The following MB21D2 variants were observed in gnomAD, a reference collection of about 807,000 sequenced individuals.
MB21D2 encodes nucleotidyltransferase MB21D2.
A neutral mutation model predicts 33.3 loss-of-function variants in MB21D2; 9 were observed. That is an observed-to-expected ratio of 0.27 (90% CI 0.16 to 0.47). The LOEUF is 0.47. Ranked by LOEUF, MB21D2 falls within the 20% of genes least tolerant of loss-of-function variation. MB21D2 has a pLI of 0.99. For synonymous variants in MB21D2, 241 were observed against 236.3 expected (o/e 1.02, Z -0.18); for missense variants, 540 against 624.6 (o/e 0.86, Z 1.44).
chr3:192,852,779 C>A (rs1393265298), intron 1 of MB21D2, among the ~76,000 whole-genome samples: 2 of 151,826 alleles, frequency 1.3e-5, no homozygotes. Flanking sequence ...CTAGAACTTT[C>A]AGAATGAGCT....
At chr3:192,915,135 T>A (rs1714433673) in intron 1 of MB21D2, among the ~76,000 whole-genome samples, 1 of 152,002 alleles carries the variant, frequency 6.6e-6, no homozygotes, top group South Asian at 2.1e-4. Flanking sequence ...AATCCCCAGG[T>A]GCAGCTCAGA....
At chr3:192,872,350 G>A (rs1172404622) in intron 1 of MB21D2, among the ~76,000 whole-genome samples, 2 of 152,148 alleles carry the variant, frequency 1.3e-5, no homozygotes, top group East Asian at 3.9e-4. Flanking sequence ...GCCGAGGCGG[G>A]CAGATCACGA....
intron 1 of MB21D2, among the ~76,000 whole-genome samples, chr3:192,887,177 C>T (rs1479114886): frequency 2.0e-5 from 3 of 152,022 alleles, no homozygotes; most frequent in South Asian, 2.1e-4. Context: ...GACAAAGTCT[C>T]GTTCTGTTTC....
intron 1 of MB21D2, among the ~76,000 whole-genome samples, chr3:192,835,455 CAAAAAAAA>C (rs34280688): frequency 3.3e-5 from 2 of 61,172 alleles, no homozygotes; most frequent in Non-Finnish European, 6.4e-5. Flanking sequence ...GACTCTGTCT[CAAAAAAAA>C]AAAAAAAAAA....
chr3:192,807,507 T>C (rs1163250316), intron 1 of MB21D2, among the ~76,000 whole-genome samples: 1 of 152,080 alleles, frequency 6.6e-6, no homozygotes, highest in African/African-American at 2.4e-5. Flanking sequence ...CACTGACCCT[T>C]TGCCCAGGAC....
At chr3:192,801,026 TG>T (rs1013680769) in intron 1 of MB21D2, among the ~76,000 whole-genome samples, 2 of 152,222 alleles carry the variant, frequency 1.3e-5, no homozygotes, top group Non-Finnish European at 2.9e-5. Context: ...TTTAAGAGAT[TG>T]TGGGTCCTTT....
At chr3:192,803,163 G>A (rs770835076) in intron 1 of MB21D2, among the ~76,000 whole-genome samples, 13 of 152,124 alleles carry the variant, frequency 8.5e-5, no homozygotes, top group Admixed American at 5.2e-4. Context: ...GCCCTCTGCT[G>A]GATTTAAGAA....
chr3:192,868,644 G>C (rs1474214932), intron 1 of MB21D2, among the ~76,000 whole-genome samples: 1 of 151,932 alleles, frequency 6.6e-6, no homozygotes, highest in Non-Finnish European at 1.5e-5. Context: ...TCTTAAAGGG[G>C]GAAAAGACAT....
intron 1 of MB21D2, among the ~76,000 whole-genome samples, chr3:192,906,919 C>G (rs888109283): frequency 8.5e-5 from 13 of 152,220 alleles, no homozygotes; most frequent in Non-Finnish European, 1.8e-4. Context: ...AGACGAAAGC[C>G]TAAACAAGAC....
At chr3:192,841,572 GT>G (rs1430197683) in intron 1 of MB21D2, among the ~76,000 whole-genome samples, 1 of 152,246 alleles carries the variant, frequency 6.6e-6, no homozygotes, top group East Asian at 1.9e-4. Flanking sequence ...GAGCTTGGAA[GT>G]GGATACTCCA....
rs149619241 is a variant in MB21D2, at chr3:192,885,050, C to T, written c.211+32580G>A. Among the ~76,000 whole-genome samples, 35 of 152,044 alleles carry T rather than the reference C, an allele frequency of 2.3e-4. No homozygotes were observed. In the East Asian group the frequency reaches 6.0e-3, roughly 26 times the overall value. On this transcript the variant is annotated intron_variant, in intron 1 of 1. Transcript: ENST00000392452. ...AGATATTTGAGAATTGAGGTAAGAG[C>T]AATAAATATGACTAAGAGGACAAAA...
At chr3:192,812,985 G>A (rs1209612286) in intron 1 of MB21D2, among the ~76,000 whole-genome samples, 1 of 152,140 alleles carries the variant, frequency 6.6e-6, no homozygotes, top group African/African-American at 2.4e-5. Context: ...AGCTGGGCTT[G>A]GACGTCTTAC....
intron 1 of MB21D2, among the ~76,000 whole-genome samples, chr3:192,826,290 C>T (rs999338554): frequency 1.3e-5 from 2 of 152,152 alleles, no homozygotes; most frequent in Non-Finnish European, 2.9e-5. Context: ...GTACACAGGG[C>T]TTGTAGGAAG....
intron 1 of MB21D2, among the ~76,000 whole-genome samples, chr3:192,899,492 G>A (rs1283348156): frequency 6.6e-6 from 1 of 152,116 alleles, no homozygotes; most frequent in Non-Finnish European, 1.5e-5. Context: ...TCACGCCACT[G>A]CACTCCAGCC....
At chr3:192,817,929 GTTC>G (rs1281297035) in intron 1 of MB21D2, among the ~76,000 whole-genome samples, 2 of 137,184 alleles carry the variant, frequency 1.5e-5, no homozygotes, top group Non-Finnish European at 3.0e-5. Flanking sequence ...GCTCCCTTAT[GTTC>G]TTAATTGGCC....
Position 192,813,450 on chromosome 3 carries a change from T to G in MB21D2, c.212-13800A>C, listed in dbSNP as rs773840991. ...TCTGACTATAAGTGAATAAATACAT[T>G]GAAGACTTCAGGAGCTCAGAAGATT... is the stretch of plus-strand genomic sequence containing the variant. On this transcript the variant is annotated intron_variant, in intron 1 of 1. Coordinates refer to ENST00000392452, the MANE Select transcript of MB21D2 (RefSeq NM_178496.4). 1.2e-3 allele frequency among the ~76,000 whole-genome samples: 179 copies of G among 152,234 alleles called. 3 individuals carry two copies. The highest frequency in any genetic ancestry group is 6.8e-3 in the Middle Eastern group (2 of 294).
intron 1 of MB21D2, among the ~76,000 whole-genome samples, chr3:192,856,568 T>G (rs937188501): frequency 6.6e-6 from 1 of 152,148 alleles, no homozygotes; most frequent in South Asian, 2.1e-4. Flanking sequence ...TTGTTTTTTT[T>G]CTCTTAAGAC....
At chr3:192,801,522 T>C (rs1215257527) in intron 1 of MB21D2, among the ~76,000 whole-genome samples, 6 of 152,156 alleles carry the variant, frequency 3.9e-5, no homozygotes, top group Non-Finnish European at 7.3e-5. Context: ...CTGGGGCCTG[T>C]GGTAGGTGAT....
chr3:192,884,389 C>A (rs932126738), intron 1 of MB21D2, among the ~76,000 whole-genome samples: 1 of 151,756 alleles, frequency 6.6e-6, no homozygotes. Flanking sequence ...GTTGTTGAGA[C>A]GGAGTCTTGC....
Sources: gnomAD v4.1 joint callset for allele counts (sites outside exome capture counted in the v4.1 genomes callset) on GRCh38, gnomAD v4.1.1 for gene constraint, MANE v1.5 for transcripts, NCBI Gene and HGNC (gene_info 2026-07-23, HGNC 2026-07-21) for gene names.